The following FRMD8 variants were observed in gnomAD, a reference collection of about 807,000 sequenced individuals.
The protein encoded by FRMD8 is FERM domain containing 8.
A neutral mutation model predicts 54.2 loss-of-function variants in FRMD8; 37 were observed. The ratio of observed to expected loss-of-function variants is 0.68; its 90% CI spans 0.53 to 0.90. The LOEUF (loss-of-function observed/expected upper bound fraction) is 0.90. FRMD8 is among the 40% of genes least tolerant of loss of function. The pLI is 0.00. For missense variants in FRMD8, 585 were observed against 653.7 expected, an observed-to-expected ratio of 0.89 and a Z score of 1.15; for synonymous variants, 246 against 286.9, an observed-to-expected ratio of 0.86 and a Z score of 1.44.
At position 65,404,899 on chromosome 11, in the gene FRMD8, C is replaced by T. The variant is rs779096420; in HGVS notation, c.1107C>T (p.Ile369=). ...TGAGCAGTCTCATTGAGTACTGCAT[C>T]GAACTGAGCCAGGCGGCGGAGCCCG... The part of the protein sequence containing the change: ...ELMSSLIEYC[I]ELSQAAEPAG... Residue 369 remains isoleucine, a synonymous_variant, in exon 10 of 11, where the codon ATC becomes ATT. Transcript: ENST00000317568. This position sits in a 1 kb window ranked among gnomAD's most constrained non-coding sequence, Gnocchi z 4.7. 27 of 1,613,218 alleles carry T rather than the reference C, an allele frequency of 1.7e-5. No homozygotes were observed. Among genetic ancestry groups the T allele is most frequent in the Admixed American group, 5.0e-5 (3 of 60,018 alleles).
the FRMD8 span, chr11:65,380,726 G>A: frequency 1.4e-5 from 9 of 655,588 alleles, no homozygotes; most frequent in Admixed American, 6.7e-5. Context: ...GCAGAGGCTG[G>A]TTCTGGAGTT....
the FRMD8 span, chr11:65,379,444 C>T: frequency 4.2e-5 from 68 of 1,613,994 alleles, no homozygotes; most frequent in East Asian, 1.6e-4. Flanking sequence ...GCCCGCCGCT[C>T]CTGGTGGGAG....
chr11:65,388,328 G>A (rs772816037), intron 2 of FRMD8, among the ~76,000 whole-genome samples: 1 of 152,144 alleles, frequency 6.6e-6, no homozygotes, highest in Non-Finnish European at 1.5e-5. Flanking sequence ...ATCTGAACCT[G>A]AGCCTCCTCG....
At chr11:65,378,954 G>C in the FRMD8 span, 2 of 194,120 alleles carry the variant, frequency 1.0e-5, no homozygotes, top group African/African-American at 4.8e-5. Context: ...AGCCAGGCAG[G>C]GCCAGGGGAG....
At chr11:65,392,364 C>G (rs1173769723) in intron 3 of FRMD8, among the ~76,000 whole-genome samples, 1 of 152,190 alleles carries the variant, frequency 6.6e-6, no homozygotes, top group Non-Finnish European at 1.5e-5. Context: ...TCAGTGGGGA[C>G]TGCCTAAGGG....
chr11:65,393,880 CG>C, intron 4 of FRMD8, 160 bp from the exon 5 acceptor site: 1 of 816,602 alleles, frequency 1.2e-6, no homozygotes, highest in Non-Finnish European at 2.0e-6. Context: ...TGGGAGCCAC[CG>C]GGGCACGTTG....
intron 7 of FRMD8, among the ~76,000 whole-genome samples, chr11:65,398,766 G>T (rs1049799182): frequency 2.0e-5 from 3 of 152,204 alleles, no homozygotes; most frequent in Non-Finnish European, 2.9e-5. Context: ...GAAATCGGAG[G>T]GCTGGCCATC....
chr11:65,398,730 C>T (rs1458432061), intron 7 of FRMD8, among the ~76,000 whole-genome samples: 1 of 152,222 alleles, frequency 6.6e-6, no homozygotes, highest in Admixed American at 6.5e-5. Flanking sequence ...AGGTGGCCCT[C>T]TCCTGGCTGC....
At chr11:65,390,385 C>T (rs1222113462) in intron 3 of FRMD8, among the ~76,000 whole-genome samples, 2 of 152,104 alleles carry the variant, frequency 1.3e-5, no homozygotes, top group East Asian at 1.9e-4. Context: ...ACATTCCCTT[C>T]GTTATAGAGG....
intron 4 of FRMD8, 28 bp downstream of exon 4, chr11:65,393,702 C>T: frequency 6.4e-7 from 1 of 1,551,556 alleles, no homozygotes; most frequent in Non-Finnish European, 8.8e-7. Flanking sequence ...TCTGTCCTTG[C>T]CTCGGGACCA....
the FRMD8 span, chr11:65,376,252 G>T: frequency 1.1e-6 from 1 of 940,726 alleles, no homozygotes; most frequent in Non-Finnish European, 1.6e-6. Flanking sequence ...TCCCACAGGT[G>T]TCTGCCCAGC....
chr11:65,384,039 G>A (rs180886646), upstream of FRMD8, among the ~76,000 whole-genome samples: 5 of 152,158 alleles, frequency 3.3e-5, no homozygotes, highest in African/African-American at 1.2e-4. Flanking sequence ...GCTGGAGGCC[G>A]CCTCCTCCCT....
upstream of FRMD8, chr11:65,382,415 G>C (rs1261350996): frequency 5.1e-6 from 1 of 194,200 alleles, no homozygotes; most frequent in Non-Finnish European, 1.1e-5. The surrounding 1 kb of genome is among the most constrained non-coding windows in gnomAD (Gnocchi z 4.4). Context: ...GTGGCCACCA[G>C]GGGGTAGGCC....
chr11:65,387,763 C>T (rs1298253754), intron 2 of FRMD8, among the ~76,000 whole-genome samples: 5 of 152,076 alleles, frequency 3.3e-5, no homozygotes, highest in African/African-American at 1.2e-4. Context: ...TGGTCTCGAT[C>T]TCCTGACCTC....
chr11:65,379,730 C>T, the FRMD8 span: 2 of 1,297,708 alleles, frequency 1.5e-6, no homozygotes, highest in African/African-American at 1.5e-5. Flanking sequence ...GCTAAGCTAC[C>T]ACCCAGGCCC....
intron 10 of FRMD8, among the ~76,000 whole-genome samples, chr11:65,405,599 G>A (rs1414525427): frequency 1.3e-5 from 2 of 152,094 alleles, no homozygotes; most frequent in African/African-American, 4.8e-5. Flanking sequence ...TTCCAGCCTG[G>A]GAGACAGAGC....
At chr11:65,380,869 G>A in the FRMD8 span, 1 of 299,636 alleles carries the variant, frequency 3.3e-6, no homozygotes, top group Admixed American at 4.4e-5. Context: ...CCCACAGCCA[G>A]GTGGGGCAGA....
At chr11:65,373,652 T>C in the FRMD8 span, among the ~76,000 whole-genome samples, 1 of 152,092 alleles carries the variant, frequency 6.6e-6, no homozygotes, top group East Asian at 1.9e-4. Flanking sequence ...AGTGGCGCAA[T>C]CAAAACTCAC....
chr11:65,378,596 A>T, the FRMD8 span: 4 of 152,290 alleles, frequency 2.6e-5, no homozygotes, highest in African/African-American at 9.6e-5. Flanking sequence ...CGGGGGTCTC[A>T]TTAATCATTA....
Sources: gnomAD v4.1 joint callset for allele counts (sites outside exome capture counted in the v4.1 genomes callset) on GRCh38, gnomAD v4.1.1 for gene constraint, Gnocchi (gnomAD v3.1) non-coding constraint, MANE v1.5 for transcripts, NCBI Gene and HGNC (gene_info 2026-07-23, HGNC 2026-07-21) for gene names.